Variants in NRG3 observed in about 807,000 individuals in gnomAD.
The protein encoded by NRG3 is pro-neuregulin-3, membrane-bound isoform.
NRG3 carries 31 observed loss-of-function variants against 66.9 expected under a neutral mutation model. The observed-to-expected ratio is 0.46, with a 90% CI of 0.35 to 0.63. NRG3 has a LOEUF of 0.63. Ranked by LOEUF, NRG3 falls within the 20% of genes least tolerant of loss-of-function variation. The probability of loss-of-function intolerance (pLI) is 0.00; values close to 1 mark genes in which losing one functional copy is unlikely to be tolerated. For missense variants in NRG3, 910 were observed against 878.9 expected, an observed-to-expected ratio of 1.04 and a Z score of -0.45; for synonymous variants, 393 against 359.4, an observed-to-expected ratio of 1.09 and a Z score of -1.06.
chr10:82,544,942 C>T (rs1386827577), intron 2 of NRG3, among the ~76,000 whole-genome samples: 1 of 152,158 alleles, frequency 6.6e-6, no homozygotes, highest in Non-Finnish European at 1.5e-5. Context: ...CCTTCAGATG[C>T]CCCTATATCT....
chr10:82,227,849 G>T (rs1361859985), intron 1 of NRG3, among the ~76,000 whole-genome samples: 1 of 152,006 alleles, frequency 6.6e-6, no homozygotes, highest in African/African-American at 2.4e-5. Context: ...TTTCCTTTAT[G>T]AATTCTTCCC....
chr10:82,742,607 G>A (rs2058471817), intron 3 of NRG3, among the ~76,000 whole-genome samples: 1 of 152,102 alleles, frequency 6.6e-6, no homozygotes, highest in African/African-American at 2.4e-5. Flanking sequence ...AGAATGTAGT[G>A]AGTGACTCAG....
intron 1 of NRG3, among the ~76,000 whole-genome samples, chr10:81,931,296 C>T (rs1445920733): frequency 1.3e-5 from 2 of 152,142 alleles, no homozygotes; most frequent in Non-Finnish European, 2.9e-5. Context: ...TCCAAGGGAT[C>T]ATGAATATCA....
intron 4 of NRG3, among the ~76,000 whole-genome samples, chr10:82,881,566 C>T (rs1842300865): frequency 6.6e-6 from 1 of 152,100 alleles, no homozygotes; most frequent in Non-Finnish European, 1.5e-5. Context: ...TTTTCTATTT[C>T]TGTGAGAAAA....
chr10:82,136,875 A>G (rs1402296997), intron 1 of NRG3, among the ~76,000 whole-genome samples: 1 of 152,158 alleles, frequency 6.6e-6, no homozygotes, highest in African/African-American at 2.4e-5. Context: ...AAGTCTCACA[A>G]TCACTGTACT....
At chr10:82,364,532 T>C (rs2084397621) in intron 2 of NRG3, among the ~76,000 whole-genome samples, 1 of 152,166 alleles carries the variant, frequency 6.6e-6, no homozygotes, top group African/African-American at 2.4e-5. Context: ...TGGTGCTATG[T>C]ATAATATACT....
At chr10:81,931,530 T>A (rs1365108116) in intron 1 of NRG3, among the ~76,000 whole-genome samples, 1 of 152,162 alleles carries the variant, frequency 6.6e-6, no homozygotes, top group Non-Finnish European at 1.5e-5. Flanking sequence ...TGGGTTGTGG[T>A]CCCTCTCTCT....
intron 1 of NRG3, among the ~76,000 whole-genome samples, chr10:82,173,927 C>T (rs2072832379): frequency 2.0e-5 from 3 of 152,100 alleles, no homozygotes; most frequent in Admixed American, 1.3e-4. Context: ...TTCATTGACT[C>T]CTCCTTCGTC....
At chr10:82,041,960 G>A (rs568050466) in intron 1 of NRG3, among the ~76,000 whole-genome samples, 2 of 151,964 alleles carry the variant, frequency 1.3e-5, no homozygotes, top group Non-Finnish European at 2.9e-5. Context: ...TACCCCAGAT[G>A]GGCGAAATGA....
At chr10:82,619,611 T>A (rs1040293946) in intron 2 of NRG3, among the ~76,000 whole-genome samples, 2 of 152,228 alleles carry the variant, frequency 1.3e-5, no homozygotes, top group Non-Finnish European at 2.9e-5. Context: ...TTCCTAAAAA[T>A]GTTTACATTG....
intron 3 of NRG3, among the ~76,000 whole-genome samples, chr10:82,805,841 A>AT (rs892409958): frequency 6.6e-6 from 1 of 152,172 alleles, no homozygotes; most frequent in African/African-American, 2.4e-5. Context: ...AATATTCTGA[A>AT]TTTGGTGGGC....
At chr10:82,690,472 C>A (rs2054841899) in intron 2 of NRG3, among the ~76,000 whole-genome samples, 1 of 152,016 alleles carries the variant, frequency 6.6e-6, no homozygotes, top group South Asian at 2.1e-4. Flanking sequence ...TGCATGCTAT[C>A]CTCATCCTCC....
intron 3 of NRG3, among the ~76,000 whole-genome samples, chr10:82,771,164 T>C (rs182976883): frequency 6.6e-6 from 1 of 152,174 alleles, no homozygotes; most frequent in African/African-American, 2.4e-5. Flanking sequence ...AAATTTGTTA[T>C]ACTTTTATCA....
At chr10:82,062,472 G>C (rs2064209446) in intron 1 of NRG3, among the ~76,000 whole-genome samples, 1 of 152,044 alleles carries the variant, frequency 6.6e-6, no homozygotes, top group Admixed American at 6.5e-5. Context: ...TGTGCATGGT[G>C]GTGTGCGCCT....
intron 6 of NRG3, among the ~76,000 whole-genome samples, chr10:82,960,122 C>T (rs889511553): frequency 4.6e-5 from 7 of 152,116 alleles, no homozygotes; most frequent in African/African-American, 1.4e-4. Flanking sequence ...CCCAAAAAGT[C>T]GCTATTATGA....
At chr10:82,481,267 T>C (rs1011138188) in intron 2 of NRG3, among the ~76,000 whole-genome samples, 1 of 152,238 alleles carries the variant, frequency 6.6e-6, no homozygotes, top group Non-Finnish European at 1.5e-5. Flanking sequence ...CTAAAGCCTC[T>C]AATGGCCTTA....
At chr10:82,889,832 A>C (rs1229646892) in intron 4 of NRG3, among the ~76,000 whole-genome samples, 1 of 152,192 alleles carries the variant, frequency 6.6e-6, no homozygotes, top group East Asian at 1.9e-4. Context: ...GTTGCCCTGA[A>C]GGAATCTCAA....
At chr10:82,402,482 G>T (rs568830213) in intron 2 of NRG3, among the ~76,000 whole-genome samples, 8 of 152,234 alleles carry the variant, frequency 5.3e-5, no homozygotes, top group African/African-American at 1.7e-4. Context: ...GCTCAAGCAG[G>T]TTCCTCAGGT....
intron 2 of NRG3, among the ~76,000 whole-genome samples, chr10:82,615,770 C>A (rs952152240): frequency 6.6e-6 from 1 of 151,956 alleles, no homozygotes; most frequent in African/African-American, 2.4e-5. Flanking sequence ...GTGGAGGGAT[C>A]TAATAAAATC....
Sources: allele counts gnomAD v4.1 joint callset (sites outside exome capture counted in the v4.1 genomes callset), GRCh38; gene constraint gnomAD v4.1.1; transcripts MANE v1.5; gene names NCBI Gene and HGNC (gene_info 2026-07-23, HGNC 2026-07-21).